The following RYR2 variants were observed in gnomAD, a reference collection of about 807,000 sequenced individuals.
RYR2 encodes cardiac muscle ryanodine receptor-calcium release channel.
RYR2 carries 227 observed loss-of-function variants against 601.1 expected under a neutral mutation model. The ratio of observed to expected loss-of-function variants is 0.38; its 90% CI spans 0.34 to 0.42. The LOEUF (loss-of-function observed/expected upper bound fraction) is 0.42. Among genes scored for constraint, RYR2 ranks in the 10% least tolerant of loss-of-function variants. RYR2 has a pLI of 1.00. For synonymous variants in RYR2, 2,223 were observed against 2,175.1 expected (o/e 1.02, Z -0.61); for missense variants, 4,646 against 6,156.5 (o/e 0.75, Z 8.21).
intron 17 of RYR2, among the ~76,000 whole-genome samples, chr1:237,475,174 G>A (rs1871303): frequency 0.21 from 31,196 of 152,064 alleles, 3,498 homozygotes; most frequent in African/African-American, 0.29. Flanking sequence ...AATTCAATAA[G>A]TGAGCTAACA....
chr1:237,635,747 C>G (rs1680809019), intron 44 of RYR2, among the ~76,000 whole-genome samples: 2 of 152,200 alleles, frequency 1.3e-5, no homozygotes, highest in South Asian at 4.1e-4. Flanking sequence ...GCAATAGCTC[C>G]TACATCATCT....
chr1:237,698,355 C>T (rs1018915794), intron 63 of RYR2, among the ~76,000 whole-genome samples: 1 of 152,130 alleles, frequency 6.6e-6, no homozygotes, highest in Middle Eastern at 3.4e-3. Flanking sequence ...GGAGTTACTA[C>T]CATCTGAAAA....
At chr1:237,481,971 G>A (rs1241574285) in intron 17 of RYR2, among the ~76,000 whole-genome samples, 1 of 152,110 alleles carries the variant, frequency 6.6e-6, no homozygotes, top group Non-Finnish European at 1.5e-5. Flanking sequence ...AGACACTCCT[G>A]TTAACCAGGG....
intron 1 of RYR2, among the ~76,000 whole-genome samples, chr1:237,049,518 G>A (rs947541197): frequency 1.3e-5 from 2 of 152,116 alleles, no homozygotes; most frequent in South Asian, 4.1e-4. Flanking sequence ...CATGTTCGTA[G>A]TCTTAGGGTC....
intron 1 of RYR2, among the ~76,000 whole-genome samples, chr1:237,221,491 A>G (rs542631043): frequency 6.6e-6 from 1 of 152,336 alleles, no homozygotes; most frequent in Admixed American, 6.5e-5. Context: ...ATAGATATGA[A>G]GATTATTGGG....
intron 2 of RYR2, among the ~76,000 whole-genome samples, chr1:237,327,726 T>C (rs2149552378): frequency 6.6e-6 from 1 of 152,348 alleles, no homozygotes; most frequent in South Asian, 2.1e-4. Flanking sequence ...TGATAATAGC[T>C]CACTTATTTT....
At chr1:237,799,755 T>C (rs1347176911) in intron 97 of RYR2, among the ~76,000 whole-genome samples, 1 of 152,246 alleles carries the variant, frequency 6.6e-6, no homozygotes, top group African/African-American at 2.4e-5. Context: ...TTTATATATT[T>C]ATTTATCAAA....
chr1:237,552,107 A>G (rs1178785892), intron 27 of RYR2, among the ~76,000 whole-genome samples: 2 of 152,200 alleles, frequency 1.3e-5, no homozygotes, highest in Non-Finnish European at 2.9e-5. Flanking sequence ...CATAATATCT[A>G]TCTTGAGGTT....
At chr1:237,786,353 A>G (rs1225465506) in intron 91 of RYR2, among the ~76,000 whole-genome samples, 1 of 152,244 alleles carries the variant, frequency 6.6e-6, no homozygotes, top group East Asian at 1.9e-4. Context: ...ACTCAGGGCC[A>G]CAATTCTGTC....
At chr1:237,532,773 C>T (rs1558980572) in intron 25 of RYR2, among the ~76,000 whole-genome samples, 1 of 152,040 alleles carries the variant, frequency 6.6e-6, no homozygotes, top group Non-Finnish European at 1.5e-5. Flanking sequence ...ATTTGGGATA[C>T]AATTCAACTT....
At chr1:237,388,027 G>C (rs1006356449) in intron 9 of RYR2, 60 bp from the exon 10 acceptor site, 1 of 1,442,158 alleles carries the variant, frequency 6.9e-7, no homozygotes, top group Admixed American at 1.8e-5. Flanking sequence ...CAGATGATCT[G>C]TCTGGCTATC....
intron 2 of RYR2, among the ~76,000 whole-genome samples, chr1:237,288,607 A>G (rs1011701268): frequency 1.4e-4 from 21 of 152,112 alleles, no homozygotes; most frequent in East Asian, 1.2e-3. Flanking sequence ...GCCAGTAGTC[A>G]CAGGCCTCAC....
Position 237,819,944 on chromosome 1 carries a change from T to C in RYR2, c.14590+752T>C, listed in dbSNP as rs184644911. 1.3e-3 allele frequency among the ~76,000 whole-genome samples: 192 copies of C among 152,110 alleles called. No individual in the cohort carries two copies. Among genetic ancestry groups the C allele is most frequent in the Non-Finnish European group, 2.0e-3 (137 of 67,992 alleles). ...GCTCACGCCTGTAATCCCAGCACTT[T>C]GAGAGACTGAGGTGGGTGGATCACT... On this transcript the variant is annotated intron_variant, in intron 101 of 104. Transcript: ENST00000366574. This position sits in a 1 kb window ranked among gnomAD's most constrained non-coding sequence, Gnocchi z 4.0.
intron 91 of RYR2, 53 bp downstream of exon 91, chr1:237,786,089 C>CT: frequency 8.9e-7 from 1 of 1,119,600 alleles, no homozygotes; most frequent in Non-Finnish European, 1.3e-6. Context: ...CATTACATCT[C>CT]TTTTTCTTGT....
chr1:237,587,865 A>G (rs1674708386), intron 29 of RYR2, among the ~76,000 whole-genome samples: 1 of 152,318 alleles, frequency 6.6e-6, no homozygotes, highest in South Asian at 2.1e-4. Flanking sequence ...AACTCCTTCT[A>G]CAAATAAAGT....
chr1:237,089,053 A>G (rs1666667098), intron 1 of RYR2, among the ~76,000 whole-genome samples: 1 of 152,194 alleles, frequency 6.6e-6, no homozygotes, highest in African/African-American at 2.4e-5. Flanking sequence ...CTCCAAATTC[A>G]TGGAAAGGCA....
intron 1 of RYR2, among the ~76,000 whole-genome samples, chr1:237,044,082 C>T (rs976323340): frequency 6.6e-6 from 1 of 152,128 alleles, no homozygotes; most frequent in Non-Finnish European, 1.5e-5. Flanking sequence ...GTACTGTTGG[C>T]CCAAGACCGG....
At position 237,506,364 on chromosome 1, in the gene RYR2, C is replaced by T. The variant is rs147074840; in HGVS notation, c.2614-346C>T. 0.034 allele frequency among the ~76,000 whole-genome samples: 5,120 copies of T among 152,010 alleles called. 274 individuals carry two copies. The highest frequency in any genetic ancestry group is 0.12 in the African/African-American group (4,786 of 41,466). On this transcript the variant is annotated intron_variant, in intron 22 of 104. Coordinates refer to ENST00000366574, the MANE Select transcript of RYR2 (RefSeq NM_001035.3). ...CATCCTGGCTAACACGGTGAAACCC[C>T]GTCTCTACTAAAAATACAAAAAAAT...
intron 1 of RYR2, among the ~76,000 whole-genome samples, chr1:237,207,343 A>T (rs1681931937): frequency 1.3e-5 from 2 of 152,120 alleles, no homozygotes; most frequent in South Asian, 4.1e-4. Context: ...AGGTGGATGG[A>T]TCACTTGAGG....
Sources: allele counts gnomAD v4.1 joint callset (sites outside exome capture counted in the v4.1 genomes callset), GRCh38; gene constraint gnomAD v4.1.1; non-coding constraint Gnocchi (gnomAD v3.1); transcripts MANE v1.5; gene names NCBI Gene and HGNC (gene_info 2026-07-23, HGNC 2026-07-21).